The following LARP1 variants were observed in gnomAD, a reference collection of about 807,000 sequenced individuals.
LARP1 encodes the protein la-related protein 1.
LARP1 carries 36 observed loss-of-function variants against 122.7 expected under a neutral mutation model. The observed-to-expected ratio is 0.29, with a 90% CI of 0.22 to 0.39. The LOEUF is 0.39. Among genes scored for constraint, LARP1 ranks in the 10% least tolerant of loss-of-function variants. The pLI is 1.00. For missense variants in LARP1, 1,040 were observed against 1,403.6 expected (o/e 0.74, Z 4.14); for synonymous variants, 539 against 528.7 (o/e 1.02, Z -0.27).
At chr5:154,775,370 A>G (rs904855785) in intron 1 of LARP1, among the ~76,000 whole-genome samples, 1 of 151,972 alleles carries the variant, frequency 6.6e-6, no homozygotes, top group African/African-American at 2.4e-5. Context: ...GCAAGCACCT[A>G]TAGTCCCAGC....
At chr5:154,766,914 C>A (rs1755002342) in intron 1 of LARP1, among the ~76,000 whole-genome samples, 1 of 152,182 alleles carries the variant, frequency 6.6e-6, no homozygotes, top group African/African-American at 2.4e-5. Flanking sequence ...ATATTTGGAA[C>A]TGGAAGGGAC....
intron 8 of LARP1, among the ~76,000 whole-genome samples, chr5:154,795,761 C>A (rs999276110): frequency 4.1e-5 from 6 of 146,298 alleles, no homozygotes; most frequent in Admixed American, 3.6e-4. Flanking sequence ...AACATATTAA[C>A]AGTTCCTTAA....
At position 154,802,509 on chromosome 5, in the gene LARP1, T is replaced by C. The variant is rs991382590; in HGVS notation, c.2109+110T>C. 6.8e-6 allele frequency: 9 copies of C among 1,316,676 alleles called. No individual in the cohort carries two copies. Among genetic ancestry groups the C allele is most frequent in the Middle Eastern group, 5.4e-4 (2 of 3,730 alleles). The allele number at this position is 1,316,676 out of a possible 1,614,324, so 81.6% of individuals were successfully genotyped here. A position where few individuals can be genotyped will look rare whatever the true frequency, so the allele number is the denominator to read the frequency against. On this transcript the variant is annotated intron_variant, in intron 11 of 18. Transcript: ENST00000518297. This position sits in a 1 kb window ranked among gnomAD's most constrained non-coding sequence, Gnocchi z 5.1. ...TTAGGCAGGTCCTTATAATTCAGAG[T>C]CTCAGGATTTTTATATATGGGAAGG...
chr5:154,811,454 T>C, intron 17 of LARP1, 59 bp from the exon 18 acceptor site: 5 of 1,612,638 alleles, frequency 3.1e-6, no homozygotes, highest in Non-Finnish European at 4.2e-6. Context: ...AACACCTCCC[T>C]CTCTCCTCTG....
intron 1 of LARP1, among the ~76,000 whole-genome samples, chr5:154,735,614 G>T (rs909378751): frequency 2.0e-5 from 3 of 150,282 alleles, no homozygotes; most frequent in African/African-American, 4.9e-5. Flanking sequence ...TGTTGTCCAG[G>T]CTGGATTGTA....
chr5:154,760,789 A>G (rs1051641548), intron 1 of LARP1, among the ~76,000 whole-genome samples: 2 of 152,262 alleles, frequency 1.3e-5, no homozygotes, highest in Non-Finnish European at 2.9e-5. Flanking sequence ...GGCATTTTTT[A>G]AAGGGAAGAA....
intron 7 of LARP1, 41 bp downstream of exon 7, chr5:154,794,303 A>G: frequency 1.2e-6 from 2 of 1,601,902 alleles, no homozygotes; most frequent in Non-Finnish European, 8.5e-7. Context: ...GAAATGAGTG[A>G]GAGGTTAGGG....
intron 1 of LARP1, among the ~76,000 whole-genome samples, chr5:154,747,062 G>A (rs185364560): frequency 0.013 from 1,903 of 152,182 alleles, 20 homozygotes; most frequent in Non-Finnish European, 0.015. Context: ...CCCGGGAGGC[G>A]GAGGGTGCAG....
chr5:154,708,145 T>C (rs1755039857), upstream of LARP1, among the ~76,000 whole-genome samples: 2 of 152,228 alleles, frequency 1.3e-5, no homozygotes, highest in South Asian at 2.1e-4. Flanking sequence ...TAGGTGATCA[T>C]GCACCAGCTG....
At chr5:154,709,787 G>A (rs1755129109), upstream of LARP1, among the ~76,000 whole-genome samples, 1 of 152,008 alleles carries the variant, frequency 6.6e-6, no homozygotes, top group African/African-American at 2.4e-5. Context: ...CCTGCCACCA[G>A]ATGCAGCTTA....
rs1043257493 is a variant in LARP1 at position 154,706,502 on chromosome 5, A to T, written c.-180+23465A>T. 6.6e-5 allele frequency among the ~76,000 whole-genome samples: 10 copies of T among 152,000 alleles called. 1 individual carries two copies. Among genetic ancestry groups the T allele is most frequent in the African/African-American group, 2.2e-4 (9 of 41,398 alleles). ...GTTCTCACTTGTAAGTGGGAGCTAAACTTTGAGTACATAGGGCCTCAAAGA... is the reference window on the plus strand; with the variant it reads ...GTTCTCACTTGTAAGTGGGAGCTAATCTTTGAGTACATAGGGCCTCAAAGA... On this transcript the variant is annotated intron_variant, in intron 1 of 18. Coordinates refer to the LARP1 transcript ENST00000687700.
chr5:154,693,902 G>A lies in LARP1; in HGVS notation c.-180+10865G>A, dbSNP rs150351765. On this transcript the variant is annotated intron_variant, in intron 1 of 18. Transcript: ENST00000687700. ...GAAAGTTCTTTTCTCACCCCTAATAGGATGGAGTAGACTACATAGCTCCAC... is the reference window on the plus strand; with the variant it reads ...GAAAGTTCTTTTCTCACCCCTAATAAGATGGAGTAGACTACATAGCTCCAC... 4.0e-4 allele frequency among the ~76,000 whole-genome samples: 60 copies of A among 151,708 alleles called. 1 individual carries two copies. In the East Asian group the frequency reaches 0.011, roughly 27 times the overall value.
At chr5:154,805,625 C>T in intron 14 of LARP1, 1 of 406,696 alleles carries the variant, frequency 2.5e-6, no homozygotes, top group Admixed American at 4.1e-5. Context: ...ACGTTTCTGC[C>T]ATTAAATAGT....
chr5:154,694,447 A>T (rs1372103998), intron 1 of LARP1, among the ~76,000 whole-genome samples: 1 of 151,004 alleles, frequency 6.6e-6, no homozygotes, highest in Admixed American at 6.6e-5. Flanking sequence ...TTTAGTAGAG[A>T]TGACATCTCA....
chr5:154,737,323 G>A (rs1273056647), intron 1 of LARP1, among the ~76,000 whole-genome samples: 1 of 152,016 alleles, frequency 6.6e-6, no homozygotes, highest in African/African-American at 2.4e-5. Flanking sequence ...TTACAGGTGT[G>A]AGCCACCGTG....
intron 1 of LARP1, among the ~76,000 whole-genome samples, chr5:154,700,903 G>T (rs1019006578): frequency 2.0e-5 from 3 of 152,180 alleles, no homozygotes; most frequent in African/African-American, 7.2e-5. Flanking sequence ...ACTGCAGTGG[G>T]AGCCGAAATC....
chr5:154,735,267 C>G (rs1756808570), intron 1 of LARP1, among the ~76,000 whole-genome samples: 1 of 151,992 alleles, frequency 6.6e-6, no homozygotes, highest in South Asian at 2.1e-4. Flanking sequence ...CCAGCCTGGC[C>G]AACATGGTGA....
At chr5:154,763,014 G>A (rs1288979326) in intron 1 of LARP1, among the ~76,000 whole-genome samples, 1 of 149,356 alleles carries the variant, frequency 6.7e-6, no homozygotes, top group Non-Finnish European at 1.5e-5. Context: ...TTTACTGAGT[G>A]TCTCACCTGT....
chr5:154,745,409 C>G (rs1009224068), intron 1 of LARP1, among the ~76,000 whole-genome samples: 3 of 152,188 alleles, frequency 2.0e-5, no homozygotes, highest in African/African-American at 4.8e-5. Context: ...ACCACTACCC[C>G]CTTTATGATA....
Sources: allele counts gnomAD v4.1 joint callset (sites outside exome capture counted in the v4.1 genomes callset), GRCh38; gene constraint gnomAD v4.1.1; non-coding constraint Gnocchi (gnomAD v3.1); transcripts MANE v1.5; gene names NCBI Gene and HGNC (gene_info 2026-07-23, HGNC 2026-07-21).